The following CEP78 variants were observed in gnomAD, a reference collection of about 807,000 sequenced individuals.
The protein encoded by CEP78 is centrosomal protein of 78 kDa.
In CEP78, 76 loss-of-function variants were observed where a neutral mutation model predicts 81.2. The ratio of observed to expected loss-of-function variants is 0.94; its 90% confidence interval spans 0.78 to 1.13. The LOEUF is 1.13. Ranked by LOEUF, CEP78 falls within the 50% of genes most tolerant of loss-of-function variation. The pLI is 0.00. For missense variants in CEP78, 918 were observed against 846.8 expected, an observed-to-expected ratio of 1.08 and a Z score of -1.04; for synonymous variants, 293 against 301.4, an observed-to-expected ratio of 0.97 and a Z score of 0.29.
chr9:78,266,531 C>T lies in CEP78; in HGVS notation c.1935C>T (p.Ser645=). Residue 645 remains serine, a synonymous_variant, in exon 16 of 17, where the codon TCC becomes TCT. Transcript: ENST00000643273. ...CTACTCCAGAGGGCTTAGGAACTTC[C>T]AGCAACAACCTAGGAGTCCCAGCTA... ...PVSTPEGLGT[S]SNNLGVPATE... 1 of 1,613,820 alleles carries T rather than the reference C, an allele frequency of 6.2e-7. No homozygotes were observed. The highest frequency in any genetic ancestry group is 8.5e-7 in the Non-Finnish European group (1 of 1,179,818).
intron 12 of CEP78, among the ~76,000 whole-genome samples, chr9:78,263,413 C>T (rs1359972021): frequency 6.6e-6 from 1 of 151,974 alleles, no homozygotes; most frequent in African/African-American, 2.4e-5. Flanking sequence ...AAAATCTATA[C>T]CATGAGGACT....
intron 5 of CEP78, among the ~76,000 whole-genome samples, chr9:78,245,435 G>T (rs1161237725): frequency 6.6e-6 from 1 of 151,946 alleles, no homozygotes; most frequent in Non-Finnish European, 1.5e-5. Context: ...TCCCATGATG[G>T]CTCCACTCTC....
In CEP78 at chr9:78,271,109, G is replaced by T. The variant is rs909303782; in HGVS notation, c.*258G>T. The T allele has an allele frequency of 1.4e-5, 5 of 365,436 alleles. No homozygotes were observed. The Admixed American group carries it at 2.4e-4, about 18-fold the overall frequency. The allele number at this position is 365,436 out of a possible 1,614,324, so 22.6% of individuals were successfully genotyped here. ...GAGAATAAGGGAATTATCCAAAATGGCTCCGAAGAGGAACTGAAGTTAAGC... is the reference window on the plus strand; with the variant it reads ...GAGAATAAGGGAATTATCCAAAATGTCTCCGAAGAGGAACTGAAGTTAAGC... On this transcript the variant is annotated 3_prime_UTR_variant, in exon 17 of 17. Coordinates refer to ENST00000643273, the MANE Select transcript of CEP78 (RefSeq NM_001330691.3).
intron 11 of CEP78, among the ~76,000 whole-genome samples, chr9:78,258,221 C>T (rs951087632): frequency 6.6e-6 from 1 of 152,072 alleles, no homozygotes; most frequent in Non-Finnish European, 1.5e-5. Flanking sequence ...TAAGTAAGCC[C>T]AAGCTGTACT....
At chr9:78,247,262 G>C (rs1354973664) in intron 6 of CEP78, among the ~76,000 whole-genome samples, 1 of 152,224 alleles carries the variant, frequency 6.6e-6, no homozygotes, top group Non-Finnish European at 1.5e-5. Context: ...TAAGAAGACA[G>C]ATGGGGGCAG....
chr9:78,251,852 T>A lies in CEP78; in HGVS notation c.1070-56T>A, dbSNP rs1381260849. The A allele has an allele frequency of 2.0e-6, 3 of 1,504,082 alleles. No homozygotes were observed. In the African/African-American group the frequency reaches 4.1e-5, roughly 21 times the overall value. 93.2% of individuals were successfully genotyped at this position (1,504,082 alleles called of 1,614,324 possible). ...TTTAAGAGTATGCACATGTGCCTAT[T>A]CATCTGTAGACCTTTAGTGCATCTT... is the stretch of plus-strand genomic sequence containing the variant. On this transcript the variant is annotated intron_variant, in intron 8 of 16. Coordinates refer to ENST00000643273, the MANE Select transcript of CEP78 (RefSeq NM_001330691.3).
chr9:78,265,741 G>T, intron 14 of CEP78, 118 bp from the exon 15 acceptor site: 1 of 752,436 alleles, frequency 1.3e-6, no homozygotes, highest in Admixed American at 2.8e-5. Flanking sequence ...AAATAAGAAA[G>T]TTCTTTTGAA....
intron 9 of CEP78, among the ~76,000 whole-genome samples, chr9:78,252,900 G>A (rs1399236979): frequency 1.3e-5 from 2 of 152,162 alleles, no homozygotes; most frequent in African/African-American, 4.8e-5. Context: ...ATCTTCTTGA[G>A]ATACTTACTA....
At chr9:78,256,051 C>T (rs979329195) in intron 11 of CEP78, among the ~76,000 whole-genome samples, 10 of 152,138 alleles carry the variant, frequency 6.6e-5, no homozygotes, top group Non-Finnish European at 8.8e-5. Context: ...TTCTAACATA[C>T]GTAAGCCTAC....
At chr9:78,255,823 C>G (rs1469908892) in intron 11 of CEP78, among the ~76,000 whole-genome samples, 1 of 152,096 alleles carries the variant, frequency 6.6e-6, no homozygotes, top group Non-Finnish European at 1.5e-5. Flanking sequence ...AAAACAAAAT[C>G]CTAGAATGTC....
rs528995256 is a variant in CEP78, at chr9:78,270,241, A to G, written c.2108-600A>G. 3.9e-5 allele frequency among the ~76,000 whole-genome samples: 6 copies of G among 152,334 alleles called. No individual in the cohort carries two copies. In the East Asian group the frequency reaches 9.6e-4, roughly 24 times the overall value. ...TGGATTTTTACAAGACCTACACACA[A>G]TCACATAATTATAGTTTTAAAATTC... On this transcript the variant is annotated intron_variant, in intron 16 of 16. Coordinates refer to ENST00000643273, the MANE Select transcript of CEP78 (RefSeq NM_001330691.3).
rs1250894609 is a variant in CEP78, at chr9:78,275,777, C to A, written c.*4926C>A. 6.6e-6 allele frequency: 1 copy of A among 151,758 alleles called. No individual in the cohort carries two copies. The highest frequency in any genetic ancestry group is 6.6e-5 in the Admixed American group (1 of 15,116). The allele number at this position is 151,758 out of a possible 1,614,324, so 9.4% of individuals were successfully genotyped here. On this transcript the variant is annotated 3_prime_UTR_variant, in exon 17 of 17. Coordinates refer to ENST00000643273, the MANE Select transcript of CEP78 (RefSeq NM_001330691.3). ...TCTCTACAAAAATTAAAAAACAAAACAAAACAAAAAAACCCAAAACTTAGC... is the reference window on the plus strand; with the variant it reads ...TCTCTACAAAAATTAAAAAACAAAAAAAAACAAAAAAACCCAAAACTTAGC...
chr9:78,267,100 G>A (rs1218846884), intron 16 of CEP78: 8 of 1,043,952 alleles, frequency 7.7e-6, no homozygotes, highest in Non-Finnish European at 1.0e-5. Context: ...ATATAGGATT[G>A]GAAGCCACTA....
Position 78,270,856 on chromosome 9 carries a change from A to G in CEP78, c.*5A>G, listed in dbSNP as rs1209691741. ...ATGCTTCTAGAATCCCATTGAAATG[A>G]CTGGAGAAATATTAAAATAAAAATA... On this transcript the variant is annotated 3_prime_UTR_variant, in exon 17 of 17. Coordinates refer to ENST00000643273, the MANE Select transcript of CEP78 (RefSeq NM_001330691.3). 2 of 694,582 alleles carry G rather than the reference A, an allele frequency of 2.9e-6. No individual in the cohort carries two copies. The highest frequency in any genetic ancestry group is 5.3e-6 in the Non-Finnish European group (2 of 379,106). The allele number at this position is 694,582 out of a possible 1,614,324, so 43.0% of individuals were successfully genotyped here. A position where few individuals can be genotyped will look rare whatever the true frequency, so the allele number is the denominator to read the frequency against.
Position 78,263,047 on chromosome 9 carries a change from C to T in CEP78, c.1458+63C>T. 6.0e-6 allele frequency: 5 copies of T among 826,914 alleles called. No homozygotes were observed. In the South Asian group the frequency reaches 8.4e-5, roughly 14 times the overall value. 51.2% of individuals were successfully genotyped at this position (826,914 alleles called of 1,614,324 possible). A position where few individuals can be genotyped will look rare whatever the true frequency, so the allele number is the denominator to read the frequency against. ...TTTTGGTTTTGGTTTAACTTTAAGT[C>T]ATACATACACACACTTTATAAACTT... On this transcript the variant is annotated intron_variant, in intron 12 of 16. Transcript: ENST00000643273.
chr9:78,248,758 T>C lies in CEP78; in HGVS notation c.958-4T>C, dbSNP rs748621007. The C allele has an allele frequency of 6.8e-7, 1 of 1,463,084 alleles. No homozygotes were observed. Among genetic ancestry groups the C allele is most frequent in the Non-Finnish European group, 9.4e-7 (1 of 1,060,486 alleles). 90.6% of individuals were successfully genotyped at this position (1,463,084 alleles called of 1,614,324 possible). A position where few individuals can be genotyped will look rare whatever the true frequency, so the allele number is the denominator to read the frequency against. On this transcript the variant is annotated splice_polypyrimidine_tract_variant and splice_region_variant and intron_variant, in intron 7 of 16. Transcript: ENST00000643273. ...AAATATAGTGTTTATTCTGTCTCTT[T>C]TAGTACCAGTGGATAACTTCTCCAT...
chr9:78,267,013 T>C (rs1242614115), intron 16 of CEP78: 2 of 1,323,404 alleles, frequency 1.5e-6, no homozygotes, highest in Admixed American at 5.6e-5. Flanking sequence ...TATGACTAAA[T>C]CTTTTGAAAC....
chr9:78,252,690 T>C (rs536771229), intron 9 of CEP78, among the ~76,000 whole-genome samples: 3 of 152,342 alleles, frequency 2.0e-5, no homozygotes, highest in African/African-American at 7.2e-5. Context: ...ACAAAGAGGA[T>C]TGAATTTAAA....
chr9:78,263,321 A>G (rs1038441874), intron 12 of CEP78, among the ~76,000 whole-genome samples: 2 of 152,138 alleles, frequency 1.3e-5, no homozygotes, highest in Non-Finnish European at 2.9e-5. Flanking sequence ...TGGGGATGAG[A>G]CTATCTACTG....
Sources: gnomAD v4.1 joint callset for allele counts (sites outside exome capture counted in the v4.1 genomes callset) on GRCh38, gnomAD v4.1.1 for gene constraint, MANE v1.5 for transcripts, NCBI Gene and HGNC (gene_info 2026-07-23, HGNC 2026-07-21) for gene names.